Variants in PPIL2 observed in about 807,000 individuals in gnomAD.
PPIL2 encodes the protein peptidylprolyl isomerase like 2.
A neutral mutation model predicts 75.2 loss-of-function variants in PPIL2; 50 were observed. The ratio of observed to expected loss-of-function variants is 0.66; its 90% CI spans 0.53 to 0.84. The LOEUF (loss-of-function observed/expected upper bound fraction) is 0.84, where lower values mean the gene tolerates loss of function less well. Among genes scored for constraint, PPIL2 ranks in the 40% least tolerant of loss-of-function variants. The pLI is 0.00. For missense variants in PPIL2, 590 were observed against 685.0 expected, an observed-to-expected ratio of 0.86 and a Z score of 1.55; for synonymous variants, 245 against 258.8, an observed-to-expected ratio of 0.95 and a Z score of 0.51.
At chr22:21,671,911 C>G (rs1370552402) in intron 4 of PPIL2, among the ~76,000 whole-genome samples, 1 of 152,022 alleles carries the variant, frequency 6.6e-6, no homozygotes, top group Non-Finnish European at 1.5e-5. Context: ...AATTAGCCAG[C>G]CATGGTGGTG....
intron 1 of PPIL2, chr22:21,669,421 T>C (rs1217125318): frequency 2.2e-6 from 1 of 445,426 alleles, no homozygotes; most frequent in Non-Finnish European, 4.6e-6. Context: ...ACTGTTGGGA[T>C]TATAGGTGTG....
Position 21,696,853 on chromosome 22 carries a change from G to GCATCTCTGCCTCACCCCATCCA in PPIL2, c.*1365_*1386dup. ...CTGGATGCTGGGTGGCGCCTCATCTGCATCTCTGCCTCACCCCATCCACTG... is the reference window on the plus strand; with the variant it reads ...CTGGATGCTGGGTGGCGCCTCATCTGCATCTCTGCCTCACCCCATCCACATCTCTGCCTCACCCCATCCACTG... On this transcript the variant is annotated 3_prime_UTR_variant, in exon 20 of 20. Transcript: ENST00000398831. 3 of 1,579,078 alleles carry GCATCTCTGCCTCACCCCATCCA rather than the reference G, an allele frequency of 1.9e-6. No individual in the cohort carries two copies. The highest frequency in any genetic ancestry group is 2.6e-6 in the Non-Finnish European group (3 of 1,163,198).
At chr22:21,689,716 G>T (rs1420307006) in intron 15 of PPIL2, among the ~76,000 whole-genome samples, 1 of 152,236 alleles carries the variant, frequency 6.6e-6, no homozygotes, top group Non-Finnish European at 1.5e-5. Context: ...GGAGGAGGAT[G>T]TGGGCATCTT....
intron 6 of PPIL2, among the ~76,000 whole-genome samples, chr22:21,676,337 G>GTGTGTGTGTGTGTT (rs2066854940): frequency 6.6e-6 from 1 of 150,972 alleles, no homozygotes; most frequent in African/African-American, 2.4e-5. Context: ...GTGTGTGTGT[G>GTGTGTGTGTGTGTT]TGTTATTGTT....
intron 15 of PPIL2, among the ~76,000 whole-genome samples, chr22:21,690,616 C>T (rs1316962257): frequency 6.6e-6 from 1 of 152,196 alleles, no homozygotes; most frequent in Non-Finnish European, 1.5e-5. Context: ...GTTTTCACTT[C>T]ACTTTGAAGG....
Position 21,696,362 on chromosome 22 carries a change from A to T in PPIL2, c.*872A>T. 1 of 1,142,670 alleles carries T rather than the reference A, an allele frequency of 8.8e-7. No homozygotes were observed. The highest frequency in any genetic ancestry group is 1.1e-6 in the Non-Finnish European group (1 of 922,234). 70.8% of individuals were successfully genotyped at this position (1,142,670 alleles called of 1,614,324 possible). ...GGCCAGTGTCTCCTGCTGTGAGAAC[A>T]AGTGGATGTCCCTCTCCCCGCCCTC... is the stretch of plus-strand genomic sequence containing the variant. On this transcript the variant is annotated 3_prime_UTR_variant, in exon 20 of 20. Coordinates refer to ENST00000398831, the MANE Select transcript of PPIL2 (RefSeq NM_014337.4).
In PPIL2 at chr22:21,696,866, A is replaced by C. The variant is rs1569052264; in HGVS notation, c.*1376A>C. The C allele has an allele frequency of 6.3e-7, 1 of 1,584,522 alleles. No homozygotes were observed. The highest frequency in any genetic ancestry group is 1.8e-5 in the Admixed American group (1 of 55,798). ...GGCGCCTCATCTGCATCTCTGCCTCACCCCATCCACTGCCACAGGCTGCCT... is the reference window on the plus strand; with the variant it reads ...GGCGCCTCATCTGCATCTCTGCCTCCCCCCATCCACTGCCACAGGCTGCCT... On this transcript the variant is annotated 3_prime_UTR_variant, in exon 20 of 20. Coordinates refer to ENST00000398831, the MANE Select transcript of PPIL2 (RefSeq NM_014337.4).
intron 15 of PPIL2, among the ~76,000 whole-genome samples, chr22:21,691,867 A>G (rs1371569225): frequency 6.6e-6 from 1 of 152,178 alleles, no homozygotes; most frequent in Non-Finnish European, 1.5e-5. Context: ...ATCTGCGGAC[A>G]CTTGTCTGGT....
intron 11 of PPIL2, 48 bp downstream of exon 11, chr22:21,686,606 G>C: frequency 6.3e-7 from 1 of 1,577,782 alleles, no homozygotes; most frequent in Non-Finnish European, 8.7e-7. Flanking sequence ...CCCAAAAGTG[G>C]CAGGGGGTGG....
intron 6 of PPIL2, among the ~76,000 whole-genome samples, chr22:21,681,024 C>G (rs2067105509): frequency 6.6e-6 from 1 of 152,018 alleles, no homozygotes; most frequent in Admixed American, 6.6e-5. Context: ...AGGAGGCTAG[C>G]ATGGTGATCA....
intron 14 of PPIL2, 131 bp downstream of exon 14, chr22:21,688,237 A>C (rs2067462091): frequency 8.3e-7 from 1 of 1,205,370 alleles, no homozygotes; most frequent in Admixed American, 1.8e-5. Flanking sequence ...ACTGGCAGCC[A>C]TCAGTGCTGT....
intron 8 of PPIL2, 47 bp downstream of exon 8, chr22:21,682,573 G>A (rs1290392548): frequency 1.1e-5 from 16 of 1,439,732 alleles, no homozygotes; most frequent in Non-Finnish European, 1.4e-5. Context: ...AGCACCTGCA[G>A]CCAGCCCAGG....
In PPIL2 at chr22:21,696,096, G is replaced by A; in HGVS notation, c.*606G>A. On this transcript the variant is annotated 3_prime_UTR_variant, in exon 20 of 20. Transcript: ENST00000398831. The stretch of plus-strand genomic sequence containing the variant: ...CGCCATTACCTGGGACAAGTTTTCA[G>A]ACCCCAGACTTACTGAGCCTAAGCC... 2 of 963,278 alleles carry A rather than the reference G, an allele frequency of 2.1e-6. No homozygotes were observed. The highest frequency in any genetic ancestry group is 9.1e-5 in the South Asian group (2 of 21,948). The allele number at this position is 963,278 out of a possible 1,614,324, so 59.7% of individuals were successfully genotyped here.
At chr22:21,692,359 T>C (rs557444470) in intron 15 of PPIL2, among the ~76,000 whole-genome samples, 1 of 151,374 alleles carries the variant, frequency 6.6e-6, no homozygotes, top group Non-Finnish European at 1.5e-5. Flanking sequence ...TTTCACCGTG[T>C]TAGCGAGGAT....
At chr22:21,678,910 T>G (rs1454867680) in intron 6 of PPIL2, among the ~76,000 whole-genome samples, 1 of 151,226 alleles carries the variant, frequency 6.6e-6, no homozygotes, top group East Asian at 1.9e-4. Flanking sequence ...TTTTTTTTTT[T>G]TTTGAGATGG....
At chr22:21,675,303 C>T (rs552410227) in intron 6 of PPIL2, among the ~76,000 whole-genome samples, 188 bp downstream of exon 6, 56 of 152,228 alleles carry the variant, frequency 3.7e-4, no homozygotes, top group Middle Eastern at 3.4e-3. Context: ...TTTGGGAGGC[C>T]GAGGCGGATG....
intron 9 of PPIL2, among the ~76,000 whole-genome samples, chr22:21,684,287 T>G (rs560938164): frequency 8.6e-6 from 1 of 115,644 alleles, no homozygotes. Context: ...GGTTACAAGA[T>G]TGTAACACAA....
chr22:21,688,164 G>A (rs572557590), intron 14 of PPIL2, 58 bp downstream of exon 14: 3 of 1,604,012 alleles, frequency 1.9e-6, no homozygotes, highest in African/African-American at 1.3e-5. Context: ...GGGGCATGAG[G>A]GGGTAGCTGG....
chr22:21,691,257 T>G (rs111932478), intron 15 of PPIL2, among the ~76,000 whole-genome samples: 5 of 152,204 alleles, frequency 3.3e-5, no homozygotes, highest in African/African-American at 1.2e-4. Flanking sequence ...TTTTCTTATT[T>G]CTAGTAGTAT....
Sources: allele counts gnomAD v4.1 joint callset (sites outside exome capture counted in the v4.1 genomes callset), GRCh38; gene constraint gnomAD v4.1.1; transcripts MANE v1.5; gene names NCBI Gene and HGNC (gene_info 2026-07-23, HGNC 2026-07-21).